Variants in OSBPL9 observed in about 807,000 individuals in gnomAD.
OSBPL9 encodes oxysterol binding protein like 9.
In OSBPL9, 40 loss-of-function variants were observed where a neutral mutation model predicts 106.6. The observed-to-expected ratio is 0.38, with a 90% CI of 0.29 to 0.49. The LOEUF (loss-of-function observed/expected upper bound fraction) is 0.49, where lower values mean the gene tolerates loss of function less well. OSBPL9 is among the 20% of genes least tolerant of loss of function. The probability of loss-of-function intolerance (pLI) is 0.97; values close to 1 mark genes in which losing one functional copy is unlikely to be tolerated. For synonymous variants in OSBPL9, 269 were observed against 295.4 expected (o/e 0.91, Z 0.92); for missense variants, 609 against 887.2 (o/e 0.69, Z 3.98).
intron 1 of OSBPL9, among the ~76,000 whole-genome samples, chr1:51,585,261 A>G (rs1645241231): frequency 6.6e-6 from 1 of 152,106 alleles, no homozygotes; most frequent in Non-Finnish European, 1.5e-5. Flanking sequence ...TGCAAGAAAA[A>G]AAAATTCAGA....
At chr1:51,534,296 T>C in the OSBPL9 span, among the ~76,000 whole-genome samples, 2 of 152,236 alleles carry the variant, frequency 1.3e-5, no homozygotes. Context: ...TTCTCCATCA[T>C]GTCCTTAAGT....
intron 1 of OSBPL9, among the ~76,000 whole-genome samples, chr1:51,590,259 A>G (rs1645267773): frequency 6.6e-6 from 1 of 152,058 alleles, no homozygotes; most frequent in Non-Finnish European, 1.5e-5. Context: ...CATTCAAATT[A>G]CTGCAGTAGT....
chr1:51,573,226 A>AT (rs1472515303), upstream of OSBPL9, among the ~76,000 whole-genome samples: 1 of 146,844 alleles, frequency 6.8e-6, no homozygotes. Context: ...AAAAAAAAAA[A>AT]GGTCGGGTGC....
chr1:51,646,709 A>G (rs183611961), intron 1 of OSBPL9, among the ~76,000 whole-genome samples: 1 of 152,046 alleles, frequency 6.6e-6, no homozygotes, highest in Non-Finnish European at 1.5e-5. Flanking sequence ...TAATTTTTGT[A>G]TTTTTAGTAG....
At chr1:51,660,088 A>G (rs1023641156) in intron 2 of OSBPL9, among the ~76,000 whole-genome samples, 2 of 152,212 alleles carry the variant, frequency 1.3e-5, no homozygotes, top group African/African-American at 2.4e-5. Context: ...CAAATCAGAC[A>G]TTATCACTTA....
chr1:51,684,910 C>CTTT (rs756783433), intron 3 of OSBPL9, among the ~76,000 whole-genome samples: 21 of 140,602 alleles, frequency 1.5e-4, no homozygotes, highest in South Asian at 6.7e-4. Context: ...CACTGCTCTT[C>CTTT]TTCTTTTTTT....
chr1:51,668,844 A>T (rs1417666593), intron 2 of OSBPL9, among the ~76,000 whole-genome samples: 2 of 152,134 alleles, frequency 1.3e-5, no homozygotes, highest in African/African-American at 4.8e-5. Flanking sequence ...CTAAGATTTC[A>T]TAGTGGTTCT....
At chr1:51,637,736 ACT>A (rs1645538685) in intron 1 of OSBPL9, among the ~76,000 whole-genome samples, 2 of 152,276 alleles carry the variant, frequency 1.3e-5, no homozygotes, top group South Asian at 4.1e-4. Flanking sequence ...ACTTAAGAAG[ACT>A]CTACATTTAG....
intron 3 of OSBPL9, among the ~76,000 whole-genome samples, chr1:51,670,641 T>C (rs1226437125): frequency 6.6e-6 from 1 of 152,224 alleles, no homozygotes; most frequent in East Asian, 1.9e-4. Context: ...AATGCTTTCT[T>C]CCACATAACC....
upstream of OSBPL9, among the ~76,000 whole-genome samples, chr1:51,574,856 C>T (rs1341107459): frequency 6.6e-6 from 1 of 152,166 alleles, no homozygotes; most frequent in Non-Finnish European, 1.5e-5. Context: ...TGACAATGAG[C>T]AATCAATTTC....
At chr1:51,554,231 A>T in the OSBPL9 span, among the ~76,000 whole-genome samples, 9 of 152,378 alleles carry the variant, frequency 5.9e-5, no homozygotes, top group East Asian at 1.7e-3. Flanking sequence ...AGGGAAAAAC[A>T]GATGCATAAT....
chr1:51,567,449 T>A, the OSBPL9 span: 1 of 152,182 alleles, frequency 6.6e-6, no homozygotes, highest in Admixed American at 6.5e-5. Context: ...ATAAACTGAC[T>A]ACCCATCCCC....
chr1:51,604,107 A>G (rs1435073771), intron 2 of OSBPL9, among the ~76,000 whole-genome samples: 1 of 152,198 alleles, frequency 6.6e-6, no homozygotes, highest in Non-Finnish European at 1.5e-5. Flanking sequence ...AAAGAAAACC[A>G]AAATCTTCAG....
the OSBPL9 span, among the ~76,000 whole-genome samples, chr1:51,519,016 G>GC: frequency 6.6e-6 from 1 of 151,360 alleles, no homozygotes; most frequent in Non-Finnish European, 1.5e-5. Flanking sequence ...CCGCAGGGGG[G>GC]CTCCGGCTCC....
chr1:51,694,762 C>T (rs556240293), intron 3 of OSBPL9, among the ~76,000 whole-genome samples: 2 of 152,064 alleles, frequency 1.3e-5, no homozygotes, highest in Non-Finnish European at 2.9e-5. Flanking sequence ...GATATTGCTC[C>T]AAACTAATCA....
chr1:51,756,431 C>G (rs1345222864), intron 9 of OSBPL9, 73 bp downstream of exon 9: 1 of 1,420,448 alleles, frequency 7.0e-7, no homozygotes, highest in African/African-American at 1.4e-5. Context: ...CAGGAGAAGC[C>G]TGAATTACTA....
rs189156129 is a variant in OSBPL9 at position 51,620,979 on chromosome 1, C to T, written c.111+3758C>T. ...TCAGGGCTCAAGCATTCACTTGCCT[C>T]GGCCTCCCAGAATGTTAGGATTACA... On this transcript the variant is annotated intron_variant, in intron 1 of 23. Transcript: ENST00000428468. Among the ~76,000 whole-genome samples, 225 of 152,288 alleles carry T rather than the reference C, an allele frequency of 1.5e-3. 1 individual carries two copies. The highest frequency in any genetic ancestry group is 5.0e-3 in the African/African-American group (207 of 41,566).
upstream of OSBPL9, chr1:51,577,040 T>C (rs948933889): frequency 6.6e-6 from 1 of 152,158 alleles, no homozygotes; most frequent in Admixed American, 6.6e-5. Context: ...GGTATCCTCT[T>C]GGTGATCAGT....
chr1:51,754,467 GAC>G (rs745935452), intron 8 of OSBPL9, among the ~76,000 whole-genome samples: 10 of 152,168 alleles, frequency 6.6e-5, no homozygotes, highest in Admixed American at 1.3e-4. Context: ...TTTCAAGGTA[GAC>G]ACAGATCAAT....
Sources: gnomAD v4.1 joint callset for allele counts (sites outside exome capture counted in the v4.1 genomes callset) on GRCh38, gnomAD v4.1.1 for gene constraint, MANE v1.5 for transcripts, NCBI Gene and HGNC (gene_info 2026-07-23, HGNC 2026-07-21) for gene names.